The following ADAM9 variants were observed in gnomAD, a reference collection of about 807,000 sequenced individuals.
The protein encoded by ADAM9 is ADAM metallopeptidase domain 9, also known as disintegrin and metalloproteinase domain-containing protein 9.
A neutral mutation model predicts 108.1 loss-of-function variants in ADAM9; 54 were observed. That is an observed-to-expected ratio of 0.50 (90% CI 0.40 to 0.63). The LOEUF (loss-of-function observed/expected upper bound fraction) is 0.63. ADAM9 is among the 20% of genes least tolerant of loss of function. The pLI is 0.00. For missense variants in ADAM9, 830 were observed against 997.7 expected, an observed-to-expected ratio of 0.83 and a Z score of 2.26; for synonymous variants, 316 against 336.0, an observed-to-expected ratio of 0.94 and a Z score of 0.65.
intron 14 of ADAM9, among the ~76,000 whole-genome samples, chr8:39,058,286 G>A (rs771488474): frequency 1.2e-4 from 18 of 152,128 alleles, no homozygotes; most frequent in South Asian, 4.1e-4. Flanking sequence ...AACAGTCTTC[G>A]TTTCTGCAAC....
At chr8:39,087,878 T>C (rs553689615) in intron 18 of ADAM9, among the ~76,000 whole-genome samples, 14 of 152,332 alleles carry the variant, frequency 9.2e-5, no homozygotes, top group Non-Finnish European at 1.9e-4. Context: ...CCCCAAAACT[T>C]AACTACGAAT....
chr8:39,070,738 A>G (rs1162663978), intron 14 of ADAM9, among the ~76,000 whole-genome samples: 1 of 151,444 alleles, frequency 6.6e-6, no homozygotes, highest in Non-Finnish European at 1.5e-5. Flanking sequence ...AGCCTGGGTG[A>G]CAGAGTGAGA....
intron 14 of ADAM9, among the ~76,000 whole-genome samples, chr8:39,059,204 T>G (rs1838218793): frequency 6.6e-6 from 1 of 152,236 alleles, no homozygotes; most frequent in Non-Finnish European, 1.5e-5. Flanking sequence ...AAGGTAGTTT[T>G]GGTAGTTCAC....
At position 39,026,818 on chromosome 8, in the gene ADAM9, C is replaced by T. The variant is rs368693989; in HGVS notation, c.1130+8C>T. ...CATGAATTCAGGAGCATCGTGAGTA[C>T]CTGGGTTCTTCTTCTCCTTTATTTG... On this transcript the variant is annotated splice_region_variant and intron_variant, in intron 11 of 21. Transcript: ENST00000487273. 16 of 1,500,358 alleles carry T rather than the reference C, an allele frequency of 1.1e-5. No homozygotes were observed. Among genetic ancestry groups the T allele is most frequent in the Non-Finnish European group, 1.4e-5 (16 of 1,128,816 alleles). The allele number at this position is 1,500,358 out of a possible 1,614,324, so 92.9% of individuals were successfully genotyped here.
At chr8:39,042,192 C>A in intron 12 of ADAM9, 75 bp downstream of exon 12, 1 of 1,515,078 alleles carries the variant, frequency 6.6e-7, no homozygotes. Flanking sequence ...TTGCTTTGGG[C>A]AACTCTGACA....
intron 12 of ADAM9, among the ~76,000 whole-genome samples, chr8:39,045,379 CCTATAGGTGTGTGT>C (rs1837693574): frequency 2.6e-5 from 1 of 37,872 alleles, no homozygotes; most frequent in African/African-American, 7.7e-5. Flanking sequence ...TGTACATACA[CCTATAGGTGTGTGT>C]ACACACACCT....
chr8:39,068,304 T>C (rs541676288), intron 14 of ADAM9, among the ~76,000 whole-genome samples: 2 of 152,046 alleles, frequency 1.3e-5, no homozygotes, highest in African/African-American at 4.8e-5. Flanking sequence ...AAAATCCACA[T>C]CTTTAGGTTT....
intron 12 of ADAM9, 136 bp downstream of exon 12, chr8:39,042,253 G>C: frequency 1.1e-6 from 1 of 934,732 alleles, no homozygotes. Flanking sequence ...TATTTTGTTT[G>C]TATGGCTGTG....
intron 11 of ADAM9, among the ~76,000 whole-genome samples, chr8:39,028,327 GA>G (rs1836990693): frequency 6.6e-6 from 1 of 152,036 alleles, no homozygotes; most frequent in African/African-American, 2.4e-5. Context: ...AATAGATATG[GA>G]AGAGTTAAAA....
In ADAM9 at chr8:38,997,019, G is replaced by T. The variant is rs767443886; in HGVS notation, c.-45G>T. On this transcript the variant is annotated 5_prime_UTR_variant, in exon 1 of 22. Transcript: ENST00000487273. The stretch of plus-strand genomic sequence containing the variant: ...TTGGAAAATGATGGAAGAGGCGGAG[G>T]TGGAGGCGACCGAGTGCTGAGAGGA... The T allele has an allele frequency of 2.5e-6, 4 of 1,594,682 alleles. No individual in the cohort carries two copies. In the East Asian group the frequency reaches 6.7e-5, roughly 27 times the overall value.
intron 2 of ADAM9, among the ~76,000 whole-genome samples, chr8:39,009,662 C>G (rs1836280425): frequency 6.6e-6 from 1 of 152,136 alleles, no homozygotes; most frequent in African/African-American, 2.4e-5. Flanking sequence ...AGATAATTGT[C>G]ATTTTTATGC....
chr8:39,026,920 G>A (rs1211367425), intron 11 of ADAM9, 110 bp downstream of exon 11: 1 of 1,440,412 alleles, frequency 6.9e-7, no homozygotes, highest in Non-Finnish European at 9.6e-7. Context: ...GTTATTTCCG[G>A]TTTGCTGAAA....
At chr8:38,997,191 C>T (rs1259073547) in intron 1 of ADAM9, 31 bp downstream of exon 1, 3 of 1,584,526 alleles carry the variant, frequency 1.9e-6, no homozygotes, top group Non-Finnish European at 2.6e-6. Context: ...TCGGTTGGGA[C>T]GGCTGCTTCC....
At chr8:39,096,284 G>GT (rs945843108) in intron 20 of ADAM9, among the ~76,000 whole-genome samples, 10 of 126,984 alleles carry the variant, frequency 7.9e-5, no homozygotes, top group Admixed American at 1.7e-4. Context: ...CATTTTCTTT[G>GT]TTTTTTTGTA....
intron 6 of ADAM9, chr8:39,018,467 TATGTGTGTGTTTGC>T (rs1836620721): frequency 1.6e-5 from 3 of 187,722 alleles, no homozygotes; most frequent in Non-Finnish European, 3.3e-5. Context: ...TTCATTAAAA[TATGTGTGTGTTTGC>T]ATGTGTGTGT....
At chr8:39,045,447 C>CACACCTATATGTACGTGTGTGT (rs1564301947) in intron 12 of ADAM9, among the ~76,000 whole-genome samples, 1 of 30,052 alleles carries the variant, frequency 3.3e-5, no homozygotes, top group East Asian at 9.7e-4. Context: ...CGCGTGTGTA[C>CACACCTATATGTACGTGTGTGT]ACACACCTAT....
intron 18 of ADAM9, among the ~76,000 whole-genome samples, chr8:39,084,576 T>G (rs911876906): frequency 6.6e-6 from 1 of 151,260 alleles, no homozygotes; most frequent in Non-Finnish European, 1.5e-5. Flanking sequence ...TGTGTATGAC[T>G]TGAATCCTTT....
At chr8:39,021,138 C>T (rs749254005) in intron 7 of ADAM9, among the ~76,000 whole-genome samples, 12 of 152,016 alleles carry the variant, frequency 7.9e-5, no homozygotes, top group Non-Finnish European at 1.6e-4. Context: ...TTCACTTTAC[C>T]CTTTTACCTG....
rs1264784507 is a variant in ADAM9 at position 39,044,984 on chromosome 8, GTA to G, written c.1302+2871_1302+2872del. Among the ~76,000 whole-genome samples the G allele has an allele frequency of 5.6e-4, 83 of 148,812 alleles. 2 individuals are homozygous for G. The highest frequency in any genetic ancestry group is 4.5e-3 in the East Asian group (23 of 5,064). ...TGTGTGCACACATACCTATGTATGT[GTA>G]TATGTGTGTGCACACATACCTATGT... is the stretch of plus-strand genomic sequence containing the variant. On this transcript the variant is annotated intron_variant, in intron 12 of 21. Transcript: ENST00000487273.
Sources: gnomAD v4.1 joint callset for allele counts (sites outside exome capture counted in the v4.1 genomes callset) on GRCh38, gnomAD v4.1.1 for gene constraint, MANE v1.5 for transcripts, NCBI Gene and HGNC (gene_info 2026-07-23, HGNC 2026-07-21) for gene names.